Variants in MKI67 observed in about 807,000 individuals in gnomAD.
MKI67 encodes the protein proliferation marker protein Ki-67.
A neutral mutation model predicts 233.5 loss-of-function variants in MKI67; 152 were observed. The observed-to-expected ratio is 0.65, with a 90% CI of 0.57 to 0.74. The LOEUF (loss-of-function observed/expected upper bound fraction) is 0.74. Ranked by LOEUF, MKI67 falls within the 30% of genes least tolerant of loss-of-function variation. The pLI, the probability that MKI67 is intolerant of heterozygous loss-of-function variation, is 0.00. For missense variants in MKI67, 3,940 were observed against 3,885.2 expected (o/e 1.01, Z -0.37); for synonymous variants, 1,465 against 1,418.5 (o/e 1.03, Z -0.74).
chr10:128,115,853 T>C lies in MKI67; in HGVS notation c.555A>G (p.Ser185=), dbSNP rs1832789373. Residue 185 remains serine (S), a synonymous_variant, in exon 7 of 15, where the codon TCA becomes TCG. Coordinates refer to ENST00000368654, the MANE Select transcript of MKI67 (RefSeq NM_002417.5). ...VAQGTTNVHS[S]EHAGRNGRNA... ...TTCTGCCATTACGTCCAGCATGTTCTGAGGAATGAACATTAGTTGTTCCCT... is the reference window on the plus strand; with the variant it reads ...TTCTGCCATTACGTCCAGCATGTTCCGAGGAATGAACATTAGTTGTTCCCT... 6.2e-7 allele frequency: 1 copy of C among 1,608,678 alleles called. No individual in the cohort carries two copies. Among genetic ancestry groups the C allele is most frequent in the Non-Finnish European group, 8.5e-7 (1 of 1,179,992 alleles).
Position 128,103,646 on chromosome 10 carries a change from G to T in MKI67, c.8194C>A (p.Gln2732Lys). The change falls in exon 13 of 15, where the codon CAA becomes AAA. Residue 2732 changes from glutamine (Q) to lysine (K), a missense_variant. Coordinates refer to ENST00000368654, the MANE Select transcript of MKI67 (RefSeq NM_002417.5). ...ACTGCTGAAGGCTCTTCTTTTACTT[G>T]TACCTTCTGCACACGTGTCCTGAGA... ...RHLRTRVQKV[Q>K]VKEEPSAVKF... The T allele has an allele frequency of 6.2e-7, 1 of 1,613,956 alleles. No individual in the cohort carries two copies. Among genetic ancestry groups the T allele is most frequent in the Non-Finnish European group, 8.5e-7 (1 of 1,179,998 alleles).
In MKI67 at chr10:128,111,966, C is replaced by A. The variant is rs1215761263; in HGVS notation, c.2049G>T (p.Arg683Ser). Residue 683 changes from arginine (R) to serine (S), a missense_variant, in exon 10 of 15, where the codon AGG becomes AGT. Arg to Ser is a moderately radical substitution (Grantham distance 110, BLOSUM62 -1). Coordinates refer to ENST00000368654, the MANE Select transcript of MKI67 (RefSeq NM_002417.5). ...GTCTTCTTTGCCTTTTGTTCATTGACCTTTGAGGACCATGTTTTATGACTT... is the reference window on the plus strand; with the variant it reads ...GTCTTCTTTGCCTTTTGTTCATTGAACTTTGAGGACCATGTTTTATGACTT... ...QTKVIKHGPQRSMNKRQRRPA... is the reference protein window; with the variant it reads ...QTKVIKHGPQSSMNKRQRRPA... The A allele has an allele frequency of 5.0e-6, 8 of 1,613,528 alleles. No individual in the cohort carries two copies.
At position 128,116,475 on chromosome 10, in the gene MKI67, C is replaced by A. The variant is rs890429382; in HGVS notation, c.400+16G>T. On this transcript the variant is annotated intron_variant, in intron 6 of 14. Coordinates refer to ENST00000368654, the MANE Select transcript of MKI67 (RefSeq NM_002417.5). ...GATCTTTCAGGATTCTGGAACAAAACCCAACCACTACTCACCAGGGTCAGA... is the reference window on the plus strand; with the variant it reads ...GATCTTTCAGGATTCTGGAACAAAAACCAACCACTACTCACCAGGGTCAGA... The A allele has an allele frequency of 1.5e-5, 24 of 1,613,006 alleles. No individual in the cohort carries two copies. The highest frequency in any genetic ancestry group is 2.2e-5 in the East Asian group (1 of 44,876).
At chr10:128,114,518 G>A (rs1329676910) in intron 7 of MKI67, among the ~76,000 whole-genome samples, 1 of 152,224 alleles carries the variant, frequency 6.6e-6, no homozygotes, top group African/African-American at 2.4e-5. Flanking sequence ...CTACCGCTAT[G>A]TTTAATGATT....
rs188662850 is a variant in MKI67 at position 128,107,410 on chromosome 10, G to A, written c.4430C>T (p.Pro1477Leu). The change falls in exon 13 of 15, where the codon CCA becomes CTA. Residue 1477 changes from proline to leucine, a missense_variant. By Grantham distance (98) the Pro-to-Leu change is moderately conservative. Coordinates refer to ENST00000368654, the MANE Select transcript of MKI67 (RefSeq NM_002417.5). ...LAGLKELFQT[P>L]VCTDKPTTHE... ...AGTCGTGGGCTTGTCAGTGCATACT[G>A]GTGTCTGGAAGAGCTCTTTCAAGCC... 2.9e-5 allele frequency: 47 copies of A among 1,611,616 alleles called. 1 individual carries two copies. In the Admixed American group the frequency reaches 6.0e-4, roughly 21 times the overall value.
In MKI67 at chr10:128,125,875, C is replaced by T; in HGVS notation, c.-89-119G>A. 1.8e-6 allele frequency: 1 copy of T among 569,128 alleles called. No homozygotes were observed. 35.3% of individuals were successfully genotyped at this position (569,128 alleles called of 1,614,324 possible). On this transcript the variant is annotated intron_variant, in intron 1 of 14. Transcript: ENST00000368654. This position sits in a 1 kb window ranked among gnomAD's most constrained non-coding sequence, Gnocchi z 5.3. ...CAGCTAGCTAGCGGGGACCCCAGGACGATCCGACCGCAGCCCCCGGCGCCC... is the reference window on the plus strand; with the variant it reads ...CAGCTAGCTAGCGGGGACCCCAGGATGATCCGACCGCAGCCCCCGGCGCCC...
Position 128,111,763 on chromosome 10 carries a change from A to G in MKI67, c.2142T>C (p.Pro714=). ...GAGCTTTCCCTATTATTATGGTACA[A>G]GGAGAGTTTGCGTGGCCTGTACTAA... ...SQFSTGHANS[P]CTIIIGKAHT... The change falls in exon 11 of 15, where the codon CCT becomes CCC. Residue 714 remains proline, a synonymous_variant. Coordinates refer to ENST00000368654, the MANE Select transcript of MKI67 (RefSeq NM_002417.5). 1 of 1,614,176 alleles carries G rather than the reference A, an allele frequency of 6.2e-7. No homozygotes were observed. The highest frequency in any genetic ancestry group is 2.2e-5 in the East Asian group (1 of 44,882).
intron 5 of MKI67, among the ~76,000 whole-genome samples, chr10:128,118,671 C>A (rs1270451694): frequency 6.6e-6 from 1 of 152,182 alleles, no homozygotes; most frequent in Non-Finnish European, 1.5e-5. Context: ...CTCAAACTAT[C>A]TAAATTGCGA....
Position 128,103,810 on chromosome 10 carries a change from T to C in MKI67, c.8030A>G (p.Glu2677Gly), listed in dbSNP as rs1190996666. 1 of 1,614,076 alleles carries C rather than the reference T, an allele frequency of 6.2e-7. No individual in the cohort carries two copies. The highest frequency in any genetic ancestry group is 1.7e-4 in the Middle Eastern group (1 of 6,060). ...GAGCTCTGTGAAGCCGGCCAGGTCT[T>C]CCAGGGGTTGGGCCTTTTCCTTAGG... ...RAPKEKAQPL[E>G]DLAGFTELSE... is the part of the protein sequence containing the mutation. Residue 2677 changes from glutamate (E) to glycine (G), a missense_variant, in exon 13 of 15, where the codon GAA becomes GGA. Glu to Gly is a moderately conservative substitution (Grantham distance 98). Coordinates refer to ENST00000368654, the MANE Select transcript of MKI67 (RefSeq NM_002417.5).
chr10:128,099,315 G>A (rs1313750103), intron 14 of MKI67, 60 bp from the exon 15 acceptor site: 18 of 1,369,944 alleles, frequency 1.3e-5, no homozygotes, highest in East Asian at 2.3e-5. Context: ...TTTTAGAATC[G>A]ACCTCCTCTG....
chr10:128,119,365 C>G, intron 4 of MKI67, 46 bp from the exon 5 acceptor site: 1 of 1,404,000 alleles, frequency 7.1e-7, no homozygotes, highest in Non-Finnish European at 1.0e-6. Context: ...AATTTATACC[C>G]TGGGGCGGAA....
Position 128,115,865 on chromosome 10 carries a change from A to G in MKI67, c.543T>C (p.Asn181=), listed in dbSNP as rs771009212. Residue 181 remains asparagine (N), a synonymous_variant, in exon 7 of 15, where the codon AAT becomes AAC. Coordinates refer to ENST00000368654, the MANE Select transcript of MKI67 (RefSeq NM_002417.5). ...SKDSVAQGTT[N]VHSSEHAGRN... The stretch of plus-strand genomic sequence containing the variant: ...GTCCAGCATGTTCTGAGGAATGAAC[A>G]TTAGTTGTTCCCTGAGCAACACTGT... The G allele has an allele frequency of 1.2e-6, 2 of 1,608,808 alleles. No individual in the cohort carries two copies. The highest frequency in any genetic ancestry group is 1.1e-5 in the South Asian group (1 of 91,078).
In MKI67 at chr10:128,125,623, G is replaced by T. The variant is rs1373443517; in HGVS notation, c.45C>A (p.Val15=). The T allele has an allele frequency of 6.2e-7, 1 of 1,613,588 alleles. No homozygotes were observed. Among genetic ancestry groups the T allele is most frequent in the African/African-American group, 1.3e-5 (1 of 74,970 alleles). ...GGCTCAGGGGAAAGTGGGGACCGTC[G>T]ACCCCGCTCCTTTTGATAGTAACCA... ...RRLVTIKRSG[V]DGPHFPLSLS... The change falls in exon 2 of 15, where the codon GTC becomes GTA. Residue 15 remains valine (V), a synonymous_variant. Coordinates refer to ENST00000368654, the MANE Select transcript of MKI67 (RefSeq NM_002417.5). The surrounding 1 kb of genome is among the most constrained non-coding windows in gnomAD (Gnocchi z 5.3).
rs2782876 is a variant in MKI67, at chr10:128,098,755, C to T, written c.*435G>A. The T allele has an allele frequency of 6.5e-6, 1 of 154,758 alleles. No individual in the cohort carries two copies. Among genetic ancestry groups the T allele is most frequent in the Non-Finnish European group, 1.4e-5 (1 of 69,908 alleles). The allele number at this position is 154,758 out of a possible 1,614,324, so 9.6% of individuals were successfully genotyped here. On this transcript the variant is annotated 3_prime_UTR_variant, in exon 15 of 15. Coordinates refer to ENST00000368654, the MANE Select transcript of MKI67 (RefSeq NM_002417.5). Reference sequence around the variant, plus strand: ...TGTAAGCTCCATTCATCCGTGCGCTCATCCATTCATTCGTGTTTACCGAGT... The same window carrying T: ...TGTAAGCTCCATTCATCCGTGCGCTTATCCATTCATTCGTGTTTACCGAGT...
rs763018323 is a variant in MKI67 at position 128,103,544 on chromosome 10, A to G, written c.8296T>C (p.Leu2766=). 4.3e-6 allele frequency: 7 copies of G among 1,612,962 alleles called. No individual in the cohort carries two copies. The South Asian group carries it at 7.7e-5, about 18-fold the overall frequency. The part of the protein sequence containing the change: ...PAGEDKGIKA[L]KESAKQTPAP... ...GGTGTCTGTTTTGCAGATTCCTTCA[A>G]TGCTTTGATGCCTTTATCTTCACCT... Residue 2766 remains leucine (L), a synonymous_variant, in exon 13 of 15, where the codon TTG becomes CTG. Coordinates refer to ENST00000368654, the MANE Select transcript of MKI67 (RefSeq NM_002417.5).
chr10:128,103,822 G>A lies in MKI67; in HGVS notation c.8018C>T (p.Ala2673Val), dbSNP rs865880402. Reference sequence around the variant, plus strand: ...GCCGGCCAGGTCTTCCAGGGGTTGGGCCTTTTCCTTAGGTGCTCTTGGCCT... The same window carrying A: ...GCCGGCCAGGTCTTCCAGGGGTTGGACCTTTTCCTTAGGTGCTCTTGGCCT... ...RRRPRAPKEK[A>V]QPLEDLAGFT... The change falls in exon 13 of 15, where the codon GCC (alanine) becomes GTC (valine). Residue 2673 changes from alanine (A) to valine (V), a missense_variant. By Grantham distance (64) the Ala-to-Val change is moderately conservative. Coordinates refer to ENST00000368654, the MANE Select transcript of MKI67 (RefSeq NM_002417.5). 6.2e-7 allele frequency: 1 copy of A among 1,613,916 alleles called. No individual in the cohort carries two copies. The highest frequency in any genetic ancestry group is 1.3e-5 in the African/African-American group (1 of 74,850).
intron 4 of MKI67, among the ~76,000 whole-genome samples, chr10:128,122,140 C>T (rs2136151471): frequency 6.6e-6 from 1 of 152,220 alleles, no homozygotes; most frequent in East Asian, 1.9e-4. Context: ...ATAATAAAGT[C>T]CCACAGACTG....
intron 14 of MKI67, 96 bp downstream of exon 14, chr10:128,101,162 G>T: frequency 8.6e-7 from 1 of 1,163,610 alleles, no homozygotes; most frequent in Non-Finnish European, 1.2e-6. Flanking sequence ...GAGTGCTGTT[G>T]AAGATAATGC....
chr10:128,099,693 T>C (rs993365500), intron 14 of MKI67, among the ~76,000 whole-genome samples: 3 of 152,210 alleles, frequency 2.0e-5, no homozygotes, highest in Admixed American at 6.5e-5. Context: ...GCCTTTACTC[T>C]TGCAGTAGTT....
Sources: gnomAD v4.1 joint callset for allele counts (sites outside exome capture counted in the v4.1 genomes callset) on GRCh38, gnomAD v4.1.1 for gene constraint, Gnocchi (gnomAD v3.1) non-coding constraint, MANE v1.5 for transcripts, NCBI Gene and HGNC (gene_info 2026-07-23, HGNC 2026-07-21) for gene names.